CPED1: variants seen among roughly 807,000 people sequenced by gnomAD.
The protein encoded by CPED1 is cadherin-like and PC-esterase domain-containing protein 1.
A neutral mutation model predicts 128.2 loss-of-function variants in CPED1; 114 were observed. That is an observed-to-expected ratio of 0.89 (90% CI 0.76 to 1.04). CPED1 has a LOEUF of 1.04. CPED1 is among the 50% of genes least tolerant of loss of function. The probability of loss-of-function intolerance (pLI) is 0.00; values close to 1 mark genes in which losing one functional copy is unlikely to be tolerated. For missense variants in CPED1, 1,211 were observed against 1,207.1 expected (o/e 1.00, Z -0.05); for synonymous variants, 462 against 426.7 (o/e 1.08, Z -1.02).
chr7:121,223,001 G>C (rs1314698021), intron 16 of CPED1, among the ~76,000 whole-genome samples: 1 of 152,120 alleles, frequency 6.6e-6, no homozygotes, highest in Admixed American at 6.6e-5. Context: ...TGTTGAATAG[G>C]ATTGGTGAGA....
At chr7:121,015,606 G>A in intron 2 of CPED1, 59 bp from the exon 3 acceptor site, 2 of 1,445,424 alleles carry the variant, frequency 1.4e-6, no homozygotes, top group Middle Eastern at 1.8e-4. Context: ...CATTCATGAT[G>A]TCCTTCAAGG....
chr7:121,075,925 T>A lies in CPED1; in HGVS notation c.616+11612T>A, dbSNP rs1794113425. On this transcript the variant is annotated intron_variant, in intron 5 of 22. Coordinates refer to ENST00000310396, the MANE Select transcript of CPED1 (RefSeq NM_024913.5). ...CAATATATTTATTGAAAAAACAATC[T>A]ACATATTAGTGAACCCATGCAGTTC... is the stretch of plus-strand genomic sequence containing the variant. Among the ~76,000 whole-genome samples, 3 of 152,214 alleles carry A rather than the reference T, an allele frequency of 2.0e-5. No homozygotes were observed. The South Asian group carries it at 6.2e-4, about 32-fold the overall frequency.
intron 18 of CPED1, among the ~76,000 whole-genome samples, chr7:121,260,255 T>C (rs1584638964): frequency 8.2e-6 from 1 of 121,594 alleles, no homozygotes; most frequent in African/African-American, 3.4e-5. Flanking sequence ...TTTTGCCAAA[T>C]TTTATGTCTG....
At chr7:121,047,647 TTCTTCTTC>T (rs1793233192) in intron 4 of CPED1, among the ~76,000 whole-genome samples, 1 of 1,482 alleles carries the variant, frequency 6.7e-4, no homozygotes, top group African/African-American at 1.4e-3. Flanking sequence ...GATAGCACCT[TTCTTCTTC>T]TTCTTCTTCT....
intron 2 of CPED1, among the ~76,000 whole-genome samples, chr7:121,010,270 T>C (rs1321870073): frequency 6.6e-6 from 1 of 152,194 alleles, no homozygotes; most frequent in Admixed American, 6.5e-5. Context: ...AAAAATTTTC[T>C]TGAGACAGTC....
rs552182037 is a variant in CPED1 at position 121,203,941 on chromosome 7, G to A, written c.2056-32773G>A. Among the ~76,000 whole-genome samples, 49 of 152,158 alleles carry A rather than the reference G, an allele frequency of 3.2e-4. No individual in the cohort carries two copies. In the South Asian group the frequency reaches 1.0e-2, roughly 31 times the overall value. ...GTCCACGCAAAGGGCCAAGAAGCAA[G>A]ACACCCACTTCTCCACTATAGTGCC... On this transcript the variant is annotated intron_variant, in intron 16 of 22. Coordinates refer to ENST00000310396, the MANE Select transcript of CPED1 (RefSeq NM_024913.5).
chr7:121,135,990 AT>A, intron 13 of CPED1, 49 bp from the exon 14 acceptor site: 1 of 1,355,876 alleles, frequency 7.4e-7, no homozygotes, highest in Non-Finnish European at 9.9e-7. Context: ...ATATTTTAAC[AT>A]TTTGATTAAT....
At chr7:121,285,564 A>G (rs1230073487) in intron 22 of CPED1, among the ~76,000 whole-genome samples, 1 of 152,176 alleles carries the variant, frequency 6.6e-6, no homozygotes, top group African/African-American at 2.4e-5. Flanking sequence ...CATGTTTCTC[A>G]TATTCAAAGT....
chr7:121,168,769 ACT>A lies in CPED1; in HGVS notation c.2055+26633_2055+26634del, dbSNP rs1796589784. On this transcript the variant is annotated intron_variant, in intron 16 of 22. Coordinates refer to ENST00000310396, the MANE Select transcript of CPED1 (RefSeq NM_024913.5). ...TTCAGCCTTTGGTAACCAACCTTCTACTCTCTGTGTCTATGAGTTCAATTGTT... is the reference window on the plus strand; with the variant it reads ...TTCAGCCTTTGGTAACCAACCTTCTACTCTGTGTCTATGAGTTCAATTGTT... Among the ~76,000 whole-genome samples the A allele has an allele frequency of 1.3e-5, 2 of 151,780 alleles. 1 individual carries two copies. Among genetic ancestry groups the A allele is most frequent in the South Asian group, 4.2e-4 (2 of 4,790 alleles).
intron 3 of CPED1, among the ~76,000 whole-genome samples, chr7:121,016,136 T>C (rs549639068): frequency 6.6e-6 from 1 of 152,316 alleles, no homozygotes; most frequent in South Asian, 2.1e-4. Context: ...TTTATGAGAC[T>C]GAATACATGT....
intron 4 of CPED1, chr7:121,050,967 G>C (rs555916959): frequency 2.0e-6 from 1 of 509,988 alleles, no homozygotes; most frequent in South Asian, 1.5e-5. Flanking sequence ...GGAGATTGGC[G>C]CAGTTGTCAG....
chr7:121,247,483 G>A (rs1798564675), intron 18 of CPED1, among the ~76,000 whole-genome samples: 1 of 152,204 alleles, frequency 6.6e-6, no homozygotes, highest in Non-Finnish European at 1.5e-5. Flanking sequence ...GATCTTTGGA[G>A]AGAAAACGCC....
chr7:121,133,000 G>C (rs2204337), intron 12 of CPED1, among the ~76,000 whole-genome samples: 150,212 of 152,178 alleles, frequency 0.99, 74,167 homozygotes, highest in East Asian at 1. Flanking sequence ...ATTACAGTAC[G>C]CAGCACAATA....
At chr7:121,252,549 A>G (rs1798704565) in intron 18 of CPED1, among the ~76,000 whole-genome samples, 1 of 152,090 alleles carries the variant, frequency 6.6e-6, no homozygotes, top group African/African-American at 2.4e-5. Context: ...AATGGGAGAA[A>G]ATTTTCGCAA....
intron 7 of CPED1, among the ~76,000 whole-genome samples, chr7:121,107,302 C>T (rs949959359): frequency 2.0e-5 from 3 of 151,854 alleles, no homozygotes; most frequent in Non-Finnish European, 2.9e-5. Context: ...TGTTAAATAT[C>T]TTCTGATGAC....
chr7:121,011,614 C>T (rs941256606), intron 2 of CPED1, among the ~76,000 whole-genome samples: 1 of 152,004 alleles, frequency 6.6e-6, no homozygotes, highest in Non-Finnish European at 1.5e-5. Flanking sequence ...CAAAAGTGAA[C>T]AAAATGGTCA....
chr7:121,240,796 G>A (rs571358545), intron 17 of CPED1, among the ~76,000 whole-genome samples: 21 of 145,766 alleles, frequency 1.4e-4, no homozygotes, highest in Admixed American at 4.8e-4. Flanking sequence ...GGGGAAGGGA[G>A]GGAGAAAGGA....
At position 121,142,143 on chromosome 7, in the gene CPED1, T is replaced by G; in HGVS notation, c.2055+2T>G. Reference sequence around the variant, plus strand: ...TTCACAGCATGTGGTTTTGTGCAGGTAAGTGAAGTTTACATTTGCACTTGG... The same window carrying G: ...TTCACAGCATGTGGTTTTGTGCAGGGAAGTGAAGTTTACATTTGCACTTGG... On this transcript the variant is annotated splice_donor_variant, in intron 16 of 22. Transcript: ENST00000310396. LOFTEE classifies it high-confidence loss of function. The G allele has an allele frequency of 6.3e-7, 1 of 1,592,112 alleles. No homozygotes were observed. The highest frequency in any genetic ancestry group is 8.6e-7 in the Non-Finnish European group (1 of 1,164,400).
intron 17 of CPED1, among the ~76,000 whole-genome samples, chr7:121,242,194 C>T (rs185538229): frequency 1.2e-4 from 18 of 152,200 alleles, no homozygotes; most frequent in Admixed American, 3.3e-4. Flanking sequence ...TTCTATATTA[C>T]GTATAAATTA....
Sources: allele counts gnomAD v4.1 joint callset (sites outside exome capture counted in the v4.1 genomes callset), GRCh38; gene constraint gnomAD v4.1.1; transcripts MANE v1.5; gene names NCBI Gene and HGNC (gene_info 2026-07-23, HGNC 2026-07-21).